Variants in TNFRSF10D observed in about 807,000 individuals in gnomAD.
TNFRSF10D encodes TNF receptor superfamily member 10d.
A neutral mutation model predicts 42.1 loss-of-function variants in TNFRSF10D; 28 were observed. The ratio of observed to expected loss-of-function variants is 0.66; its 90% CI spans 0.49 to 0.91. The LOEUF (loss-of-function observed/expected upper bound fraction) is 0.91. Among genes scored for constraint, TNFRSF10D ranks in the 40% least tolerant of loss-of-function variants. TNFRSF10D has a pLI of 0.00. For synonymous variants in TNFRSF10D, 186 were observed against 189.4 expected (o/e 0.98, Z 0.15); for missense variants, 503 against 486.1 (o/e 1.03, Z -0.33).
chr8:23,136,975 A>C lies in TNFRSF10D; in HGVS notation c.*895T>G, dbSNP rs990193413. 1.6e-4 allele frequency: 25 copies of C among 152,164 alleles called. No individual in the cohort carries two copies. The highest frequency in any genetic ancestry group is 6.0e-4 in the African/African-American group (25 of 41,432). 9.4% of individuals were successfully genotyped at this position (152,164 alleles called of 1,614,324 possible). A position where few individuals can be genotyped will look rare whatever the true frequency, so the allele number is the denominator to read the frequency against. ...AGGATTTCTCCCTCCGTCACTAGTT[A>C]TATTTTTAGTCATTTTTGACTGCTG... On this transcript the variant is annotated 3_prime_UTR_variant, in exon 9 of 9. Transcript: ENST00000312584.
chr8:23,163,704 C>T, intron 1 of TNFRSF10D, 82 bp downstream of exon 1: 1 of 1,543,916 alleles, frequency 6.5e-7, no homozygotes, highest in Admixed American at 2.1e-5. Context: ...GCCAAGCATC[C>T]CCACCGTGTC....
intron 7 of TNFRSF10D, among the ~76,000 whole-genome samples, chr8:23,138,488 C>G (rs988266848): frequency 2.0e-5 from 3 of 151,068 alleles, no homozygotes; most frequent in African/African-American, 7.4e-5. Flanking sequence ...TTCTGACCAA[C>G]TTTGACTATA....
Position 23,137,968 on chromosome 8 carries a change from C to T in TNFRSF10D, c.1063G>A (p.Glu355Lys). 1 of 1,614,236 alleles carries T rather than the reference C, an allele frequency of 6.2e-7. No individual in the cohort carries two copies. The highest frequency in any genetic ancestry group is 8.5e-7 in the Non-Finnish European group (1 of 1,180,046). Reference protein sequence around the residue: ...TLLDASATLEEGHAKETIQDQ... With the variant: ...TLLDASATLEKGHAKETIQDQ... The stretch of plus-strand genomic sequence containing the variant: ...TGAATTGTTTCCTTTGCATGTCCTT[C>T]TTCCAGTGTTGCCGAGGCATCCAGC... Residue 355 changes from glutamate to lysine, a missense_variant, in exon 9 of 9, where the codon GAA becomes AAA. Glu to Lys is a moderately conservative substitution (Grantham distance 56). Coordinates refer to ENST00000312584, the MANE Select transcript of TNFRSF10D (RefSeq NM_003840.5).
chr8:23,149,794 AT>A (rs1800191696), intron 2 of TNFRSF10D, among the ~76,000 whole-genome samples: 4 of 151,956 alleles, frequency 2.6e-5, no homozygotes, highest in African/African-American at 9.7e-5. Flanking sequence ...CAAAATCACC[AT>A]CCCCGAGAGG....
chr8:23,140,595 C>G (rs1166665496), intron 7 of TNFRSF10D, among the ~76,000 whole-genome samples: 1 of 152,194 alleles, frequency 6.6e-6, no homozygotes, highest in Non-Finnish European at 1.5e-5. Context: ...AGATTTAATA[C>G]TACTCCTATC....
rs137956860 is a variant in TNFRSF10D, at chr8:23,152,516, T to C, written c.256+2358A>G. ...TGTGTTGGGTTTGGGGTCAGGGAGA[T>C]GATGAACAAATGTGCTAGATCAAAA... On this transcript the variant is annotated intron_variant, in intron 2 of 8. Transcript: ENST00000312584. Among the ~76,000 whole-genome samples, 196 of 152,324 alleles carry C rather than the reference T, an allele frequency of 1.3e-3. 3 individuals are homozygous for C. Among genetic ancestry groups the C allele is most frequent in the African/African-American group, 4.6e-3 (190 of 41,564 alleles).
intron 7 of TNFRSF10D, among the ~76,000 whole-genome samples, chr8:23,144,058 T>C (rs1278028644): frequency 6.6e-6 from 1 of 152,260 alleles, no homozygotes; most frequent in Non-Finnish European, 1.5e-5. Flanking sequence ...AAAGATTTAC[T>C]GTGAAATATG....
intron 1 of TNFRSF10D, among the ~76,000 whole-genome samples, chr8:23,161,575 T>C (rs986484324): frequency 6.6e-6 from 1 of 152,186 alleles, no homozygotes; most frequent in Non-Finnish European, 1.5e-5. Context: ...AATTCAGTCT[T>C]CCCTGCCACC....
At chr8:23,154,815 T>A (rs1800252059) in intron 2 of TNFRSF10D, 59 bp downstream of exon 2, 1 of 1,509,716 alleles carries the variant, frequency 6.6e-7, no homozygotes, top group Non-Finnish European at 9.0e-7. Flanking sequence ...ACACCATGAA[T>A]ATATACAATG....
intron 2 of TNFRSF10D, among the ~76,000 whole-genome samples, chr8:23,150,839 A>G (rs1383999514): frequency 6.6e-6 from 1 of 152,174 alleles, no homozygotes; most frequent in Non-Finnish European, 1.5e-5. Context: ...AAAACAGATC[A>G]TTTGAAATTA....
Position 23,135,736 on chromosome 8 carries a change from C to G in TNFRSF10D, c.*2134G>C. On this transcript the variant is annotated 3_prime_UTR_variant, in exon 9 of 9. Coordinates refer to ENST00000312584, the MANE Select transcript of TNFRSF10D (RefSeq NM_003840.5). ...AAAAACCCCAACAATTTCATGTTGT[C>G]AGGAAGCTTATGTTAAAGGAATAAG... The G allele has an allele frequency of 3.3e-6, 1 of 305,698 alleles. No individual in the cohort carries two copies. Among genetic ancestry groups the G allele is most frequent in the Non-Finnish European group, 6.5e-6 (1 of 153,608 alleles). The allele number at this position is 305,698 out of a possible 1,614,324, so 18.9% of individuals were successfully genotyped here. A position where few individuals can be genotyped will look rare whatever the true frequency, so the allele number is the denominator to read the frequency against.
Position 23,163,862 on chromosome 8 carries a change from G to A in TNFRSF10D, c.74C>T (p.Ala25Val), listed in dbSNP as rs754135160. 6.2e-7 allele frequency: 1 copy of A among 1,603,820 alleles called. No homozygotes were observed. The highest frequency in any genetic ancestry group is 1.1e-5 in the South Asian group (1 of 89,312). The change falls in exon 1 of 9, where the codon GCG becomes GTG. Residue 25 changes from alanine to valine, a missense_variant. Coordinates refer to ENST00000312584, the MANE Select transcript of TNFRSF10D (RefSeq NM_003840.5). ...RAGRYPGART[A>V]SGTRPWLLDP... The stretch of plus-strand genomic sequence containing the variant: ...CAGGAGCCATGGTCTGGTTCCCGAC[G>A]CTGTCCTGGCTCCTGGATAGCGCCC...
chr8:23,139,009 T>C (rs1425596098), intron 7 of TNFRSF10D, among the ~76,000 whole-genome samples: 1 of 152,074 alleles, frequency 6.6e-6, no homozygotes, highest in African/African-American at 2.4e-5. Flanking sequence ...AGATGGAAAA[T>C]TAAAATGAGG....
At chr8:23,159,714 T>C (rs1304439734) in intron 1 of TNFRSF10D, among the ~76,000 whole-genome samples, 1 of 151,888 alleles carries the variant, frequency 6.6e-6, no homozygotes, top group Non-Finnish European at 1.5e-5. Context: ...ATACAAAAAT[T>C]AGCCAGGCGC....
chr8:23,142,447 C>T (rs1458836790), intron 7 of TNFRSF10D, among the ~76,000 whole-genome samples: 2 of 152,178 alleles, frequency 1.3e-5, no homozygotes, highest in Non-Finnish European at 2.9e-5. Flanking sequence ...TTGTTTGCAG[C>T]CACATGGATG....
intron 1 of TNFRSF10D, among the ~76,000 whole-genome samples, chr8:23,159,091 C>CTGTG (rs111843988): frequency 1.9e-4 from 28 of 151,128 alleles, no homozygotes; most frequent in East Asian, 7.7e-4. Context: ...ACATGATTTT[C>CTGTG]TGTGTGTGTG....
At position 23,144,439 on chromosome 8, in the gene TNFRSF10D, C is replaced by T. The variant is rs781289761; in HGVS notation, c.954+11G>A. On this transcript the variant is annotated intron_variant, in intron 7 of 8. Transcript: ENST00000312584. ...GCACGCCAGGCAGGGCACAGTCCCT[C>T]CTCAACTCACCAGCAGACGCTGTGG... 1.2e-6 allele frequency: 2 copies of T among 1,612,750 alleles called. No homozygotes were observed. The highest frequency in any genetic ancestry group is 4.5e-5 in the East Asian group (2 of 44,880).
In TNFRSF10D at chr8:23,136,089, C is replaced by A; in HGVS notation, c.*1781G>T. The A allele has an allele frequency of 2.8e-6, 1 of 359,274 alleles. No individual in the cohort carries two copies. The allele number at this position is 359,274 out of a possible 1,614,324, so 22.3% of individuals were successfully genotyped here. A position where few individuals can be genotyped will look rare whatever the true frequency, so the allele number is the denominator to read the frequency against. ...CTAACTTTGTCCCAGCCAAACCAGT[C>A]CCGGAACAAAACACACAATGCCTTG... On this transcript the variant is annotated 3_prime_UTR_variant, in exon 9 of 9. Transcript: ENST00000312584.
intron 7 of TNFRSF10D, among the ~76,000 whole-genome samples, chr8:23,139,708 A>G (rs1420672632): frequency 1.3e-5 from 2 of 152,172 alleles, no homozygotes; most frequent in Non-Finnish European, 1.5e-5. Context: ...AAGAAAGAAA[A>G]GGCATCCAGA....
Sources: allele counts gnomAD v4.1 joint callset (sites outside exome capture counted in the v4.1 genomes callset), GRCh38; gene constraint gnomAD v4.1.1; transcripts MANE v1.5; gene names NCBI Gene and HGNC (gene_info 2026-07-23, HGNC 2026-07-21).